Variants in NCR3LG1 observed in about 807,000 individuals in gnomAD.
The protein encoded by NCR3LG1 is natural killer cell cytotoxicity receptor 3 ligand 1.
Under a neutral mutation model 34.8 loss-of-function variants are expected in NCR3LG1, and 35 were observed. That is an observed-to-expected ratio of 1.01 (90% CI 0.77 to 1.33). The LOEUF (loss-of-function observed/expected upper bound fraction) is 1.33, where lower values mean the gene tolerates loss of function less well. Ranked by LOEUF, NCR3LG1 falls within the 40% of genes most tolerant of loss-of-function variation. NCR3LG1 has a pLI of 0.00. For synonymous variants in NCR3LG1, 173 were observed against 163.6 expected (o/e 1.06, Z -0.44); for missense variants, 452 against 423.3 (o/e 1.07, Z -0.60).
In NCR3LG1 at chr11:17,356,656, C is replaced by T. The variant is rs1291723857; in HGVS notation, c.76C>T (p.Leu26=). Residue 26 remains leucine, a synonymous_variant, in exon 2 of 5, where the codon CTG becomes TTG. Transcript: ENST00000338965. ...LLWALTTEGD[L]KVEMMAGGTQ... is the part of the protein sequence containing the mutation. ...GTGTCCTCTTATTGCCACAGGTGAT[C>T]TGAAAGTAGAGATGATGGCAGGGGG... 3.9e-6 allele frequency: 6 copies of T among 1,529,636 alleles called. No homozygotes were observed. In the Admixed American group the frequency reaches 5.9e-5, roughly 15 times the overall value. 94.8% of individuals were successfully genotyped at this position (1,529,636 alleles called of 1,614,324 possible). A position where few individuals can be genotyped will look rare whatever the true frequency, so the allele number is the denominator to read the frequency against.
intron 1 of NCR3LG1, among the ~76,000 whole-genome samples, chr11:17,356,148 T>C (rs1468916915): frequency 6.8e-6 from 1 of 146,040 alleles, no homozygotes; most frequent in East Asian, 2.0e-4. Flanking sequence ...TTTTTTTTTT[T>C]TTTTTTTGAG....
At chr11:17,354,545 C>CTTTTTTTTTTTTTTTTTTTTTTTTTT (rs71047545) in intron 1 of NCR3LG1, among the ~76,000 whole-genome samples, 10 of 70,336 alleles carry the variant, frequency 1.4e-4, no homozygotes, top group South Asian at 5.5e-4. Context: ...AATTCTTCTT[C>CTTTTTTTTTTTTTTTTTTTTTTTTTT]TTTTTTTTTT....
At chr11:17,362,765 T>TTTCTTTCCTTCC in intron 2 of NCR3LG1, among the ~76,000 whole-genome samples, 1 of 107,198 alleles carries the variant, frequency 9.3e-6, no homozygotes, top group African/African-American at 4.2e-5. Context: ...TCTTTCTTTC[T>TTTCTTTCCTTCC]TTCCTTCCTT....
downstream of NCR3LG1, among the ~76,000 whole-genome samples, chr11:17,380,180 C>T (rs1363542817): frequency 1.3e-5 from 2 of 152,270 alleles, no homozygotes; most frequent in Non-Finnish European, 2.9e-5. Context: ...ATTTTGTTAT[C>T]ACATTGATGA....
Position 17,373,507 on chromosome 11 carries a change from C to G in NCR3LG1, c.*995C>G, listed in dbSNP as rs1953436975. 6.6e-6 allele frequency: 1 copy of G among 152,212 alleles called. No individual in the cohort carries two copies. Among genetic ancestry groups the G allele is most frequent in the Non-Finnish European group, 1.5e-5 (1 of 68,066 alleles). 9.4% of individuals were successfully genotyped at this position (152,212 alleles called of 1,614,324 possible). A position where few individuals can be genotyped will look rare whatever the true frequency, so the allele number is the denominator to read the frequency against. ...AAATGGTCCAGCAGGACTGATGGGT[C>G]CTGGGGCTCAACTCCCTGGCTCCAG... On this transcript the variant is annotated 3_prime_UTR_variant, in exon 5 of 5. Coordinates refer to ENST00000338965, the MANE Select transcript of NCR3LG1 (RefSeq NM_001202439.3).
intron 2 of NCR3LG1, among the ~76,000 whole-genome samples, chr11:17,363,529 TCCCTC>T (rs1953308006): frequency 1.4e-5 from 1 of 69,298 alleles, no homozygotes; most frequent in African/African-American, 6.3e-5. Context: ...CCTCCCTCCC[TCCCTC>T]CCTCCCTCCC....
chr11:17,375,436 G>A lies in NCR3LG1; in HGVS notation c.*2924G>A, dbSNP rs550674543. On this transcript the variant is annotated 3_prime_UTR_variant, in exon 5 of 5. Transcript: ENST00000338965. Reference sequence around the variant, plus strand: ...AGTCACCCTAAATAACATTGAAAATGTGCCTCTCTCACCAGGCACACACAC... The same window carrying A: ...AGTCACCCTAAATAACATTGAAAATATGCCTCTCTCACCAGGCACACACAC... The A allele has an allele frequency of 4.6e-4, 70 of 152,270 alleles. No homozygotes were observed. Among genetic ancestry groups the A allele is most frequent in the African/African-American group, 1.7e-3 (69 of 41,562 alleles). The allele number at this position is 152,270 out of a possible 1,614,324, so 9.4% of individuals were successfully genotyped here.
chr11:17,368,300 G>C (rs889501208), intron 3 of NCR3LG1, among the ~76,000 whole-genome samples: 4 of 152,130 alleles, frequency 2.6e-5, no homozygotes, highest in African/African-American at 9.7e-5. Context: ...TCTGGTCTTG[G>C]GTGTGGGTGG....
rs550267742 is a variant in NCR3LG1 at position 17,374,822 on chromosome 11, G to A, written c.*2310G>A. On this transcript the variant is annotated 3_prime_UTR_variant, in exon 5 of 5. Coordinates refer to ENST00000338965, the MANE Select transcript of NCR3LG1 (RefSeq NM_001202439.3). ...GACCTGGGAACCTGAAGGTCAAAAGGCCATTAATCAGTTAAAACAAGCCTT... is the reference window on the plus strand; with the variant it reads ...GACCTGGGAACCTGAAGGTCAAAAGACCATTAATCAGTTAAAACAAGCCTT... 3 of 152,266 alleles carry A rather than the reference G, an allele frequency of 2.0e-5. No homozygotes were observed. The highest frequency in any genetic ancestry group is 7.2e-5 in the African/African-American group (3 of 41,564). The allele number at this position is 152,266 out of a possible 1,614,324, so 9.4% of individuals were successfully genotyped here. A position where few individuals can be genotyped will look rare whatever the true frequency, so the allele number is the denominator to read the frequency against.
intron 2 of NCR3LG1, among the ~76,000 whole-genome samples, chr11:17,358,420 C>G (rs1181968559): frequency 6.6e-6 from 1 of 152,128 alleles, no homozygotes; most frequent in Non-Finnish European, 1.5e-5. Context: ...CTGCTGTTTT[C>G]CTCATAATTG....
intron 1 of NCR3LG1, among the ~76,000 whole-genome samples, chr11:17,353,884 A>G (rs1406327397): frequency 6.6e-6 from 1 of 152,176 alleles, no homozygotes; most frequent in African/African-American, 2.4e-5. Context: ...CGCCTAACAA[A>G]TCATTTCCGC....
Position 17,351,940 on chromosome 11 carries a change from G to GA in NCR3LG1, c.-23dup, listed in dbSNP as rs1269345981. The GA allele has an allele frequency of 2.6e-6, 4 of 1,522,898 alleles. No homozygotes were observed. The highest frequency in any genetic ancestry group is 2.5e-5 in the East Asian group (1 of 40,070). The allele number at this position is 1,522,898 out of a possible 1,614,324, so 94.3% of individuals were successfully genotyped here. Reference sequence around the variant, plus strand: ...ACCGGGCCGCCTGCTCCCACTCGGCGAAAAAAATTACACAACAGCAGCCGC... The same window carrying GA: ...ACCGGGCCGCCTGCTCCCACTCGGCGAAAAAAAATTACACAACAGCAGCCGC... On this transcript the variant is annotated 5_prime_UTR_variant, in exon 1 of 5. Transcript: ENST00000338965.
chr11:17,353,739 G>A (rs1953170782), intron 1 of NCR3LG1, among the ~76,000 whole-genome samples: 1 of 152,254 alleles, frequency 6.6e-6, no homozygotes, highest in Non-Finnish European at 1.5e-5. Flanking sequence ...GCTCCTGGAG[G>A]AAGCTAGTTC....
At chr11:17,369,889 G>A (rs1953388111) in intron 4 of NCR3LG1, among the ~76,000 whole-genome samples, 2 of 152,164 alleles carry the variant, frequency 1.3e-5, no homozygotes, top group Admixed American at 6.5e-5. Context: ...GTTAGGGTGG[G>A]CCCTCAGTCA....
At chr11:17,365,725 A>G (rs1344939334) in intron 2 of NCR3LG1, among the ~76,000 whole-genome samples, 1 of 152,144 alleles carries the variant, frequency 6.6e-6, no homozygotes, top group Non-Finnish European at 1.5e-5. Flanking sequence ...AACTCATGAC[A>G]GTGTGATAGC....
In NCR3LG1 at chr11:17,360,005, G is replaced by A. The variant is rs118042691; in HGVS notation, c.421+3004G>A. On this transcript the variant is annotated intron_variant, in intron 2 of 4. Transcript: ENST00000338965. ...ATTACAGCTCACTTCCCAGGCTCAG[G>A]TGATTCTCCCAGGCTTCAGCCTCCC... Among the ~76,000 whole-genome samples the A allele has an allele frequency of 1.2e-3, 178 of 151,982 alleles. 1 individual carries two copies. Among genetic ancestry groups the A allele is most frequent in the Non-Finnish European group, 2.2e-3 (152 of 67,954 alleles).
chr11:17,352,763 G>A (rs1215786658), intron 1 of NCR3LG1, among the ~76,000 whole-genome samples: 1 of 151,950 alleles, frequency 6.6e-6, no homozygotes. Flanking sequence ...GAGAGAGGGA[G>A]GGGAGTGTTT....
chr11:17,366,903 C>A, intron 2 of NCR3LG1, 106 bp from the exon 3 acceptor site: 1 of 738,952 alleles, frequency 1.4e-6, no homozygotes, highest in Non-Finnish European at 2.2e-6. Flanking sequence ...GCTACAGGAG[C>A]AGTGATGCAT....
intron 3 of NCR3LG1, 118 bp from the exon 4 acceptor site, chr11:17,368,749 G>T (rs1447686696): frequency 4.3e-6 from 3 of 704,238 alleles, no homozygotes; most frequent in Non-Finnish European, 7.4e-6. Flanking sequence ...CAGAGGGCTG[G>T]TGGTTAAATC....
Sources: allele counts gnomAD v4.1 joint callset (sites outside exome capture counted in the v4.1 genomes callset), GRCh38; gene constraint gnomAD v4.1.1; transcripts MANE v1.5; gene names NCBI Gene and HGNC (gene_info 2026-07-23, HGNC 2026-07-21).